USP34: variants seen among roughly 807,000 people sequenced by gnomAD.
The protein encoded by USP34 is ubiquitin carboxyl-terminal hydrolase 34.
In USP34, 70 loss-of-function variants were observed where a neutral mutation model predicts 460.3. The observed-to-expected ratio is 0.15, with a 90% confidence interval of 0.13 to 0.19. The LOEUF is 0.19. USP34 is among the 10% of genes least tolerant of loss of function. USP34 has a pLI of 1.00. For synonymous variants in USP34, 1,647 were observed against 1,405.3 expected (o/e 1.17, Z -3.85); for missense variants, 3,985 against 4,236.2 (o/e 0.94, Z 1.65).
intron 43 of USP34, among the ~76,000 whole-genome samples, chr2:61,260,445 C>A (rs920144865): frequency 1.3e-5 from 2 of 152,094 alleles, no homozygotes; most frequent in Admixed American, 6.5e-5. Context: ...CAAATTATTA[C>A]CTCTCATAAC....
At chr2:61,272,569 T>C (rs894899733) in intron 41 of USP34, among the ~76,000 whole-genome samples, 3 of 152,132 alleles carry the variant, frequency 2.0e-5, no homozygotes. Flanking sequence ...ATCGAAAAAC[T>C]TCCTAACTGG....
intron 6 of USP34, among the ~76,000 whole-genome samples, chr2:61,380,851 G>A (rs1692947647): frequency 6.6e-6 from 1 of 152,170 alleles, no homozygotes; most frequent in African/African-American, 2.4e-5. Context: ...AGTGCCTGAT[G>A]CTCCAACTGA....
intron 5 of USP34, among the ~76,000 whole-genome samples, chr2:61,385,141 G>A (rs1021267419): frequency 6.6e-6 from 1 of 151,770 alleles, no homozygotes; most frequent in Non-Finnish European, 1.5e-5. Context: ...ATTCCCTTAA[G>A]AACAGTATCA....
intron 1 of USP34, among the ~76,000 whole-genome samples, chr2:61,467,418 G>A (rs534376879): frequency 2.6e-5 from 4 of 152,094 alleles, no homozygotes; most frequent in East Asian, 3.9e-4. Flanking sequence ...CTGCCGAGGC[G>A]GGATTACAGG....
chr2:61,458,235 A>C (rs923406366), intron 1 of USP34, among the ~76,000 whole-genome samples: 1 of 152,136 alleles, frequency 6.6e-6, no homozygotes, highest in Non-Finnish European at 1.5e-5. Context: ...TTCTCGAAAA[A>C]AATCATTTCA....
chr2:61,396,809 G>A (rs571850789), intron 3 of USP34, among the ~76,000 whole-genome samples: 2 of 152,196 alleles, frequency 1.3e-5, no homozygotes, highest in Non-Finnish European at 2.9e-5. Flanking sequence ...AAATAATAAG[G>A]TGAAAAAGGC....
At chr2:61,395,366 A>G in intron 3 of USP34, 133 bp from the exon 4 acceptor site, 1 of 631,260 alleles carries the variant, frequency 1.6e-6, no homozygotes, top group Non-Finnish European at 2.8e-6. Context: ...ATAAGCAGTG[A>G]TACTCCTAAC....
intron 1 of USP34, among the ~76,000 whole-genome samples, chr2:61,439,565 G>A (rs1694908337): frequency 6.6e-6 from 1 of 152,172 alleles, no homozygotes; most frequent in Non-Finnish European, 1.5e-5. Flanking sequence ...AGCACCCACA[G>A]TCAGCCCTCA....
intron 48 of USP34, 80 bp from the exon 49 acceptor site, chr2:61,248,763 A>G: frequency 2.3e-6 from 3 of 1,323,582 alleles, no homozygotes; most frequent in Non-Finnish European, 3.0e-6. Context: ...TGCTATATCC[A>G]TTTCAATTTT....
At chr2:61,285,723 TTCCTC>T (rs1490809048) in intron 34 of USP34, among the ~76,000 whole-genome samples, 1 of 152,110 alleles carries the variant, frequency 6.6e-6, no homozygotes, top group Non-Finnish European at 1.5e-5. Context: ...TAGTAATAGA[TTCCTC>T]AACCATCCTG....
chr2:61,462,475 G>A (rs112792035), intron 1 of USP34, among the ~76,000 whole-genome samples: 2,302 of 151,016 alleles, frequency 0.015, 60 homozygotes, highest in African/African-American at 0.053. Flanking sequence ...CTTGAACCCA[G>A]GAAGAGGAGG....
chr2:61,198,765 A>G (rs1686883726), intron 75 of USP34, among the ~76,000 whole-genome samples: 1 of 152,080 alleles, frequency 6.6e-6, no homozygotes, highest in Non-Finnish European at 1.5e-5. Flanking sequence ...GCTACTTGGG[A>G]GGCTGAGACA....
intron 58 of USP34, among the ~76,000 whole-genome samples, chr2:61,230,928 A>G (rs1461268608): frequency 6.6e-6 from 1 of 152,164 alleles, no homozygotes; most frequent in Admixed American, 6.5e-5. Context: ...AAGTATATCC[A>G]AACAAAAACT....
chr2:61,262,116 A>AAAT (rs1553359480), intron 43 of USP34, among the ~76,000 whole-genome samples: 122 of 47,342 alleles, frequency 2.6e-3, no homozygotes, highest in Non-Finnish European at 3.9e-3. Flanking sequence ...AAAAAAAAAA[A>AAAT]ATATATATAT....
intron 23 of USP34, among the ~76,000 whole-genome samples, chr2:61,316,531 G>C (rs777364414): frequency 1.2e-4 from 19 of 152,120 alleles, no homozygotes; most frequent in South Asian, 1.0e-3. Flanking sequence ...GTTGCAGTGA[G>C]CTGAGACTGT....
intron 10 of USP34, among the ~76,000 whole-genome samples, chr2:61,365,079 C>T (rs896685073): frequency 6.6e-6 from 1 of 151,956 alleles, no homozygotes; most frequent in African/African-American, 2.4e-5. Context: ...TGGTGAAATC[C>T]CGTCTCTACT....
intron 12 of USP34, 104 bp from the exon 13 acceptor site, chr2:61,349,389 G>C: frequency 7.6e-6 from 9 of 1,179,944 alleles, no homozygotes; most frequent in Non-Finnish European, 1.1e-5. Flanking sequence ...GATGTAAGTG[G>C]AGAAACCTGC....
At chr2:61,374,155 C>CA (rs1692718848) in intron 8 of USP34, among the ~76,000 whole-genome samples, 1 of 109,238 alleles carries the variant, frequency 9.2e-6, no homozygotes, top group African/African-American at 4.2e-5. Context: ...GACTCCATCT[C>CA]AGGGAAAAAA....
At position 61,300,668 on chromosome 2, in the gene USP34, C is replaced by T. The variant is rs1394625483; in HGVS notation, c.4128+283G>A. ...AAAATTAGCCAGGTGTGGTTGCACACGCCGGTAATCCCAGCTACTTGGGAG... is the reference window on the plus strand; with the variant it reads ...AAAATTAGCCAGGTGTGGTTGCACATGCCGGTAATCCCAGCTACTTGGGAG... On this transcript the variant is annotated intron_variant, in intron 29 of 79. Transcript: ENST00000398571. 7.3e-5 allele frequency among the ~76,000 whole-genome samples: 11 copies of T among 151,402 alleles called. 1 individual carries two copies. Among genetic ancestry groups the T allele is most frequent in the East Asian group, 2.0e-4 (1 of 5,044 alleles).
Sources: allele counts gnomAD v4.1 joint callset (sites outside exome capture counted in the v4.1 genomes callset), GRCh38; gene constraint gnomAD v4.1.1; transcripts MANE v1.5; gene names NCBI Gene and HGNC (gene_info 2026-07-23, HGNC 2026-07-21).